Variants in C10orf67 observed in about 807,000 individuals in gnomAD.
The protein encoded by C10orf67 is chromosome 10 open reading frame 67.
Under a neutral mutation model 35.6 loss-of-function variants are expected in C10orf67, and 60 were observed. The observed-to-expected ratio is 1.68, with a 90% CI of 1.37 to 2.09. The LOEUF (loss-of-function observed/expected upper bound fraction) is 2.09, where lower values mean the gene tolerates loss of function less well. C10orf67 is among the 30% of genes most tolerant of loss of function. The pLI is 0.00. For synonymous variants in C10orf67, 167 were observed against 115.8 expected (o/e 1.44, Z -2.84); for missense variants, 474 against 330.2 (o/e 1.44, Z -3.38).
chr10:23,268,351 A>G (rs1254086657), intron 8 of C10orf67, among the ~76,000 whole-genome samples: 2 of 152,226 alleles, frequency 1.3e-5, no homozygotes, highest in Non-Finnish European at 2.9e-5. Flanking sequence ...CAAAAAATGT[A>G]TTATTAGTGC....
intron 13 of C10orf67, among the ~76,000 whole-genome samples, chr10:23,224,727 G>A (rs1006085205): frequency 6.6e-6 from 1 of 152,178 alleles, no homozygotes; most frequent in Admixed American, 6.5e-5. Context: ...ACTACGTGAC[G>A]AATGCAGAAG....
At chr10:23,236,415 A>T (rs1021726962) in intron 13 of C10orf67, among the ~76,000 whole-genome samples, 11 of 151,884 alleles carry the variant, frequency 7.2e-5, no homozygotes, top group Non-Finnish European at 1.6e-4. Flanking sequence ...CTGGCAACAG[A>T]GTGAGACTCT....
chr10:23,244,372 C>A (rs1458968374), intron 12 of C10orf67, among the ~76,000 whole-genome samples: 1 of 152,008 alleles, frequency 6.6e-6, no homozygotes, highest in African/African-American at 2.4e-5. Context: ...TCTGAAAAAT[C>A]AATGAGTTAG....
intron 10 of C10orf67, among the ~76,000 whole-genome samples, chr10:23,254,089 T>A (rs1460263093): frequency 6.6e-6 from 1 of 152,230 alleles, no homozygotes; most frequent in Non-Finnish European, 1.5e-5. Context: ...ACTGGACTGA[T>A]AATAGATTGA....
intron 10 of C10orf67, among the ~76,000 whole-genome samples, chr10:23,259,057 A>C (rs1437513408): frequency 6.6e-6 from 1 of 152,204 alleles, no homozygotes; most frequent in Non-Finnish European, 1.5e-5. Context: ...GTAAAATCAA[A>C]TGTCAGTGAG....
At chr10:23,311,742 G>A (rs1002096531) in intron 4 of C10orf67, among the ~76,000 whole-genome samples, 1 of 151,076 alleles carries the variant, frequency 6.6e-6, no homozygotes, top group Non-Finnish European at 1.5e-5. Context: ...TCTAGCTTGG[G>A]TTCAGTAACA....
intron 10 of C10orf67, among the ~76,000 whole-genome samples, chr10:23,254,002 GC>G (rs1481178615): frequency 6.6e-6 from 1 of 152,078 alleles, no homozygotes; most frequent in Non-Finnish European, 1.5e-5. Flanking sequence ...ATTTTGTTTT[GC>G]CAGCTGCTGA....
At chr10:23,311,231 T>G (rs1376975209) in intron 4 of C10orf67, among the ~76,000 whole-genome samples, 2 of 152,196 alleles carry the variant, frequency 1.3e-5, no homozygotes, top group Non-Finnish European at 2.9e-5. Flanking sequence ...TAGGGTGGCT[T>G]ACTAAAAAAT....
At chr10:23,250,778 T>C (rs1441774918) in intron 10 of C10orf67, 87 bp from the exon 11 acceptor site, 4 of 396,760 alleles carry the variant, frequency 1.0e-5, no homozygotes, top group Non-Finnish European at 1.8e-5. Context: ...TTTCTATAAA[T>C]AGTATGCATA....
intron 13 of C10orf67, among the ~76,000 whole-genome samples, chr10:23,238,844 G>A (rs1478781083): frequency 6.6e-6 from 1 of 152,070 alleles, no homozygotes; most frequent in Non-Finnish European, 1.5e-5. Context: ...GAGAAATCAA[G>A]TATTAAAATC....
intron 8 of C10orf67, among the ~76,000 whole-genome samples, chr10:23,269,776 GC>G (rs1161811276): frequency 6.6e-6 from 1 of 151,894 alleles, no homozygotes; most frequent in Non-Finnish European, 1.5e-5. Flanking sequence ...TGGAAGAAAT[GC>G]TAGAGCTAAA....
At chr10:23,340,571 T>C (rs1190896809) in intron 1 of C10orf67, among the ~76,000 whole-genome samples, 1 of 152,138 alleles carries the variant, frequency 6.6e-6, no homozygotes. Flanking sequence ...GACTCTCCGA[T>C]TTCACCAGTC....
At chr10:23,330,708 C>A (rs1845412755) in intron 2 of C10orf67, among the ~76,000 whole-genome samples, 1 of 149,912 alleles carries the variant, frequency 6.7e-6, no homozygotes, top group Non-Finnish European at 1.5e-5. Flanking sequence ...CCACTGCACT[C>A]CAGCCTGGGC....
intron 4 of C10orf67, among the ~76,000 whole-genome samples, chr10:23,314,112 C>T (rs566697449): frequency 7.4e-4 from 113 of 152,106 alleles, no homozygotes; most frequent in Non-Finnish European, 1.3e-3. Context: ...TGCTTGAGCC[C>T]GGGAGGCAGA....
chr10:23,252,001 A>G lies in C10orf67; in HGVS notation c.1201-1310T>C, dbSNP rs372200533. On this transcript the variant is annotated intron_variant, in intron 10 of 15. Coordinates refer to ENST00000636213, the MANE Select transcript of C10orf67 (RefSeq NM_001371909.1). ...GCAATTGGACAATGGCAGCCCATTG[A>G]AAACAATTTTCCTATTAATAATACC... 2.0e-4 allele frequency among the ~76,000 whole-genome samples: 30 copies of G among 152,336 alleles called. No individual in the cohort carries two copies. The South Asian group carries it at 4.8e-3, about 24-fold the overall frequency.
chr10:23,329,177 C>T (rs1377818538), intron 2 of C10orf67, among the ~76,000 whole-genome samples: 2 of 151,546 alleles, frequency 1.3e-5, no homozygotes, highest in African/African-American at 2.4e-5. Context: ...ATGAAATAGA[C>T]AATTCTGCCA....
intron 2 of C10orf67, among the ~76,000 whole-genome samples, chr10:23,324,316 C>T (rs1845097440): frequency 6.6e-6 from 1 of 152,058 alleles, no homozygotes; most frequent in Non-Finnish European, 1.5e-5. Flanking sequence ...TCACTTGCTA[C>T]TCCTTCCTCA....
At chr10:23,246,586 T>G (rs1017202879) in intron 12 of C10orf67, among the ~76,000 whole-genome samples, 1 of 152,176 alleles carries the variant, frequency 6.6e-6, no homozygotes, top group Admixed American at 6.5e-5. Context: ...GATACAGTCA[T>G]GCACTGCATA....
intron 8 of C10orf67, among the ~76,000 whole-genome samples, chr10:23,274,464 T>C (rs1843122960): frequency 6.6e-6 from 1 of 152,130 alleles, no homozygotes; most frequent in Non-Finnish European, 1.5e-5. Flanking sequence ...TTTCCCAGGA[T>C]ATTAATTATT....
Sources: gnomAD v4.1 joint callset for allele counts (sites outside exome capture counted in the v4.1 genomes callset) on GRCh38, gnomAD v4.1.1 for gene constraint, MANE v1.5 for transcripts, NCBI Gene and HGNC (gene_info 2026-07-23, HGNC 2026-07-21) for gene names.